Variants in BEND5 observed in about 807,000 individuals in gnomAD.
BEND5 encodes the protein BEN domain containing 5.
Under a neutral mutation model 43.9 loss-of-function variants are expected in BEND5, and 22 were observed. The observed-to-expected ratio is 0.50, with a 90% CI of 0.36 to 0.72. BEND5 has a LOEUF of 0.72. Among genes scored for constraint, BEND5 ranks in the 30% least tolerant of loss-of-function variants. The pLI is 0.00. For synonymous variants in BEND5, 228 were observed against 225.9 expected, an observed-to-expected ratio of 1.01 and a Z score of -0.08; for missense variants, 428 against 550.6, an observed-to-expected ratio of 0.78 and a Z score of 2.23.
chr1:48,772,478 G>C (rs1644886174), intron 1 of BEND5, among the ~76,000 whole-genome samples: 1 of 152,282 alleles, frequency 6.6e-6, no homozygotes, highest in East Asian at 1.9e-4. Context: ...GCTCAAAGGA[G>C]TGCGAGAGAG....
intron 3 of BEND5, among the ~76,000 whole-genome samples, chr1:48,753,144 G>C (rs1045156984): frequency 6.6e-6 from 1 of 152,196 alleles, no homozygotes; most frequent in African/African-American, 2.4e-5. Context: ...TAACTTGCCC[G>C]AGGCAACAAA....
At chr1:48,768,491 G>A (rs1473307809) in intron 1 of BEND5, among the ~76,000 whole-genome samples, 1 of 152,046 alleles carries the variant, frequency 6.6e-6, no homozygotes, top group Non-Finnish European at 1.5e-5. Flanking sequence ...TTACTACTGG[G>A]GAAAAAAGGA....
At chr1:48,768,983 T>C (rs927911581) in intron 1 of BEND5, among the ~76,000 whole-genome samples, 2 of 152,198 alleles carry the variant, frequency 1.3e-5, no homozygotes, top group Non-Finnish European at 2.9e-5. Flanking sequence ...TGCCCTGCTG[T>C]GGTGTTGCAG....
In BEND5 at chr1:48,747,567, G is replaced by T. The variant is rs12082281; in HGVS notation, c.746-4796C>A. ...AGCATACAAATAACTCTGATTTAACGGATAAGCAATAGATTTAGTGTTAGA... is the reference window on the plus strand; with the variant it reads ...AGCATACAAATAACTCTGATTTAACTGATAAGCAATAGATTTAGTGTTAGA... On this transcript the variant is annotated intron_variant, in intron 3 of 5. Transcript: ENST00000371833. Among the ~76,000 whole-genome samples, 3 of 152,118 alleles carry T rather than the reference G, an allele frequency of 2.0e-5. No individual in the cohort carries two copies. The East Asian group carries it at 5.8e-4, about 29-fold the overall frequency.
At chr1:48,762,718 A>G (rs1283874234) in intron 1 of BEND5, among the ~76,000 whole-genome samples, 2 of 151,648 alleles carry the variant, frequency 1.3e-5, no homozygotes, top group African/African-American at 4.8e-5. Context: ...CTTCTCTCCT[A>G]CAACTTGTTA....
chr1:48,774,558 C>A (rs1475403558), intron 1 of BEND5, among the ~76,000 whole-genome samples: 2 of 152,216 alleles, frequency 1.3e-5, no homozygotes, highest in African/African-American at 2.4e-5. Flanking sequence ...TGGCACACTT[C>A]TTTGAACCTA....
rs950501345 is a variant in BEND5, at chr1:48,736,799, C to G, written c.895-347G>C. Among the ~76,000 whole-genome samples, 2 of 152,194 alleles carry G rather than the reference C, an allele frequency of 1.3e-5. No individual in the cohort carries two copies. Among genetic ancestry groups the G allele is most frequent in the African/African-American group, 4.8e-5 (2 of 41,446 alleles). ...TAAGTGGCAGAGTTGATATTCTACA[C>G]TATACTTAGTTTATCACAAGGCTGC... On this transcript the variant is annotated intron_variant, in intron 4 of 5. Coordinates refer to ENST00000371833, the MANE Select transcript of BEND5 (RefSeq NM_024603.4). The surrounding 1 kb of genome is among the most constrained non-coding windows in gnomAD (Gnocchi z 4.0).
chr1:48,763,934 T>C (rs1644403046), intron 1 of BEND5, among the ~76,000 whole-genome samples: 2 of 152,206 alleles, frequency 1.3e-5, no homozygotes, highest in South Asian at 4.1e-4. Flanking sequence ...GAAGTTACTG[T>C]CATAACATGA....
At chr1:48,747,859 A>C (rs1159136178) in intron 3 of BEND5, among the ~76,000 whole-genome samples, 1 of 152,218 alleles carries the variant, frequency 6.6e-6, no homozygotes, top group African/African-American at 2.4e-5. Flanking sequence ...ATGTGTTTGG[A>C]CACTAAATAT....
chr1:48,759,098 A>G lies in BEND5; in HGVS notation c.547T>C (p.Tyr183His). The change falls in exon 3 of 6, where the codon TAT becomes CAT. Residue 183 changes from tyrosine (Y) to histidine (H), a missense_variant. Tyr to His is a moderately conservative substitution (Grantham distance 83). This residue lies in a region of BEND5 where 243 missense variants were observed against 286.4 expected (regional missense o/e 0.85). Coordinates refer to ENST00000371833, the MANE Select transcript of BEND5 (RefSeq NM_024603.4). ...TGGTAGTTGCGCAGCAGCTCCTCAT[A>G]CAGAGCCCGGGGCACCACAGCATCT... is the stretch of plus-strand genomic sequence containing the variant. ...LEDAVVPRALYEELLRNYQQQ... is the reference protein window; with the variant it reads ...LEDAVVPRALHEELLRNYQQQ... 6.2e-7 allele frequency: 1 copy of G among 1,611,944 alleles called. No individual in the cohort carries two copies. Among genetic ancestry groups the G allele is most frequent in the Non-Finnish European group, 8.5e-7 (1 of 1,178,892 alleles).
intron 3 of BEND5, among the ~76,000 whole-genome samples, chr1:48,758,113 C>T (rs1026829854): frequency 8.5e-5 from 13 of 152,168 alleles, no homozygotes; most frequent in Non-Finnish European, 1.8e-4. Context: ...AAATAGGGTG[C>T]AATATAAGAA....
At chr1:48,745,122 C>T (rs1017077561) in intron 3 of BEND5, among the ~76,000 whole-genome samples, 3 of 152,128 alleles carry the variant, frequency 2.0e-5, no homozygotes, top group Non-Finnish European at 2.9e-5. Flanking sequence ...CATCTTGGAG[C>T]GTAGGGAAGC....
chr1:48,753,287 A>G (rs1452939240), intron 3 of BEND5, among the ~76,000 whole-genome samples: 5 of 152,364 alleles, frequency 3.3e-5, no homozygotes, highest in African/African-American at 1.2e-4. Flanking sequence ...GAGAAAACAG[A>G]CACCTGAGAA....
Position 48,728,192 on chromosome 1 carries a change from T to C in BEND5, c.1109-149A>G, listed in dbSNP as rs1279380519. ...TAGCTATATTTTAAAATTTGCATCA[T>C]AGAATGTACTTAGAAAAGAGCAGAT... On this transcript the variant is annotated intron_variant, in intron 5 of 5. Transcript: ENST00000371833. 27 of 684,128 alleles carry C rather than the reference T, an allele frequency of 3.9e-5. No homozygotes were observed. The East Asian group carries it at 5.6e-4, about 14-fold the overall frequency. The allele number at this position is 684,128 out of a possible 1,614,324, so 42.4% of individuals were successfully genotyped here.
In BEND5 at chr1:48,776,883, C is replaced by A; in HGVS notation, c.-52G>T. On this transcript the variant is annotated 5_prime_UTR_variant, in exon 1 of 6. Transcript: ENST00000371833. ...CGGGCAGCTCAGCCCGCGGGGCGGG[C>A]GCGGAGGTGGGGATCCGGCGGGGGG... 1 of 988,264 alleles carries A rather than the reference C, an allele frequency of 1.0e-6. No homozygotes were observed. The highest frequency in any genetic ancestry group is 1.7e-5 in the South Asian group (1 of 57,252). 61.2% of individuals were successfully genotyped at this position (988,264 alleles called of 1,614,324 possible).
At chr1:48,733,660 T>G (rs1428286517) in intron 5 of BEND5, among the ~76,000 whole-genome samples, 1 of 152,214 alleles carries the variant, frequency 6.6e-6, no homozygotes, top group Non-Finnish European at 1.5e-5. Context: ...TCTACATTGC[T>G]GCACTGCTAC....
At chr1:48,772,035 C>G (rs1644861661) in intron 1 of BEND5, among the ~76,000 whole-genome samples, 1 of 152,180 alleles carries the variant, frequency 6.6e-6, no homozygotes, top group African/African-American at 2.4e-5. Context: ...TCTCCTCAAG[C>G]ACAAAAATGC....
chr1:48,749,970 A>G (rs1225187082), intron 3 of BEND5, among the ~76,000 whole-genome samples: 2 of 152,204 alleles, frequency 1.3e-5, no homozygotes, highest in Non-Finnish European at 2.9e-5. Flanking sequence ...GGCTGCTCCC[A>G]GTTTCCTGAG....
chr1:48,761,245 C>T, intron 2 of BEND5, 92 bp downstream of exon 2: 2 of 1,316,364 alleles, frequency 1.5e-6, no homozygotes, highest in Middle Eastern at 1.9e-4. Context: ...GGGACATTTA[C>T]ATGGGGAGAG....
Sources: gnomAD v4.1 joint callset for allele counts (sites outside exome capture counted in the v4.1 genomes callset) on GRCh38, gnomAD v4.1.1 for gene constraint, gnomAD v4.1.1 regional missense constraint, Gnocchi (gnomAD v3.1) non-coding constraint, MANE v1.5 for transcripts, NCBI Gene and HGNC (gene_info 2026-07-23, HGNC 2026-07-21) for gene names.